Variants in ADCY8 observed in about 807,000 individuals in gnomAD.
ADCY8 encodes the protein adenylate cyclase type 8.
A neutral mutation model predicts 119.7 loss-of-function variants in ADCY8; 51 were observed. That is an observed-to-expected ratio of 0.43 (90% confidence interval 0.34 to 0.54). ADCY8 has a LOEUF of 0.54. Ranked by LOEUF, ADCY8 falls within the 20% of genes least tolerant of loss-of-function variation. ADCY8 has a pLI of 0.03. For synonymous variants in ADCY8, 665 were observed against 651.0 expected, an observed-to-expected ratio of 1.02 and a Z score of -0.33; for missense variants, 1,383 against 1,598.8, an observed-to-expected ratio of 0.87 and a Z score of 2.30.
At chr8:130,812,823 G>A (rs1024451562) in intron 14 of ADCY8, among the ~76,000 whole-genome samples, 5 of 152,054 alleles carry the variant, frequency 3.3e-5, no homozygotes, top group Non-Finnish European at 7.4e-5. Flanking sequence ...TATAGATATT[G>A]ATATATAAAT....
chr8:130,858,900 ATGTG>A lies in ADCY8; in HGVS notation c.2210+8942_2210+8945del, dbSNP rs139305903. Reference sequence around the variant, plus strand: ...TTGAAATACTCCCATTATCATGTATATGTGTGTGTGTGTGTGTGTGTGTGTGTGT... The same window carrying A: ...TTGAAATACTCCCATTATCATGTATATGTGTGTGTGTGTGTGTGTGTGTGT... On this transcript the variant is annotated intron_variant, in intron 9 of 17. Coordinates refer to ENST00000286355, the MANE Select transcript of ADCY8 (RefSeq NM_001115.3). Among the ~76,000 whole-genome samples the A allele has an allele frequency of 2.6e-3, 392 of 148,788 alleles. 1 individual carries two copies. The highest frequency in any genetic ancestry group is 8.7e-3 in the African/African-American group (354 of 40,608).
intron 1 of ADCY8, among the ~76,000 whole-genome samples, chr8:131,025,201 A>G (rs1159939548): frequency 6.6e-6 from 1 of 152,178 alleles, no homozygotes; most frequent in Non-Finnish European, 1.5e-5. Context: ...TATGATAGTG[A>G]TAACTATCAT....
At chr8:130,853,046 AC>A (rs1817588153) in intron 9 of ADCY8, among the ~76,000 whole-genome samples, 1 of 152,164 alleles carries the variant, frequency 6.6e-6, no homozygotes, top group Non-Finnish European at 1.5e-5. Context: ...CTGCCTGCTC[AC>A]TATATCTCTC....
chr8:130,877,250 T>A (rs1196849371), intron 8 of ADCY8, among the ~76,000 whole-genome samples: 1 of 152,318 alleles, frequency 6.6e-6, no homozygotes, highest in African/African-American at 2.4e-5. Context: ...GTGGCCATTA[T>A]CATGCCCAAT....
At chr8:130,944,044 G>A (rs147858067) in intron 3 of ADCY8, among the ~76,000 whole-genome samples, 5 of 152,264 alleles carry the variant, frequency 3.3e-5, no homozygotes, top group Non-Finnish European at 5.9e-5. Context: ...AGTTAGGTGA[G>A]GTCTTGTTCT....
At chr8:131,037,321 G>T (rs962868889) in intron 1 of ADCY8, among the ~76,000 whole-genome samples, 2 of 152,076 alleles carry the variant, frequency 1.3e-5, no homozygotes, top group Non-Finnish European at 2.9e-5. Context: ...ACATTTGGGG[G>T]TTATTTTTAA....
At chr8:130,909,037 C>A (rs1307695060) in intron 6 of ADCY8, among the ~76,000 whole-genome samples, 1 of 44,186 alleles carries the variant, frequency 2.3e-5, no homozygotes, top group African/African-American at 4.6e-5. Flanking sequence ...ATCCATCCAT[C>A]CACCATCCAT....
intron 9 of ADCY8, among the ~76,000 whole-genome samples, chr8:130,861,089 A>C (rs889431510): frequency 2.0e-5 from 3 of 152,192 alleles, no homozygotes; most frequent in Non-Finnish European, 2.9e-5. Context: ...TTTCTTTAGC[A>C]TCATACTGTA....
intron 2 of ADCY8, among the ~76,000 whole-genome samples, chr8:130,986,804 T>C (rs911220599): frequency 6.6e-6 from 1 of 152,232 alleles, no homozygotes; most frequent in Non-Finnish European, 1.5e-5. Flanking sequence ...CTTTGAATAA[T>C]GCCTGGTGCA....
intron 6 of ADCY8, 92 bp downstream of exon 6, chr8:130,909,616 C>G (rs1355784719): frequency 6.8e-7 from 1 of 1,477,854 alleles, no homozygotes; most frequent in Non-Finnish European, 9.3e-7. Flanking sequence ...CTTCCTAGAT[C>G]TAACCCTGAA....
intron 2 of ADCY8, among the ~76,000 whole-genome samples, chr8:130,968,436 G>T (rs565032315): frequency 5.6e-4 from 85 of 152,294 alleles, no homozygotes; most frequent in African/African-American, 1.9e-3. Flanking sequence ...CTCCCAAAGT[G>T]CTGGGATTAC....
At chr8:130,932,028 A>T (rs774020454) in intron 5 of ADCY8, among the ~76,000 whole-genome samples, 3 of 152,126 alleles carry the variant, frequency 2.0e-5, no homozygotes, top group Non-Finnish European at 4.4e-5. Context: ...ATTGTGCCTC[A>T]ATCCCTGCTC....
intron 5 of ADCY8, among the ~76,000 whole-genome samples, chr8:130,925,300 A>G (rs1436155465): frequency 6.6e-6 from 1 of 152,212 alleles, no homozygotes; most frequent in Non-Finnish European, 1.5e-5. Context: ...TGGTAAAACA[A>G]TAGGTTTCTG....
intron 2 of ADCY8, among the ~76,000 whole-genome samples, chr8:130,975,311 G>A (rs1043863918): frequency 3.3e-5 from 5 of 152,150 alleles, no homozygotes; most frequent in Non-Finnish European, 5.9e-5. Context: ...AAGAACATGC[G>A]TACTTGACTC....
rs779542973 is a variant in ADCY8, at chr8:130,836,436, G to A, written c.2516C>T (p.Thr839Met). The A allele has an allele frequency of 7.4e-6, 12 of 1,613,400 alleles. No homozygotes were observed. The highest frequency in any genetic ancestry group is 6.7e-5 in the African/African-American group (5 of 74,878). Residue 839 changes from threonine (T) to methionine (M), a missense_variant, in exon 12 of 18, where the codon ACG (threonine) becomes ATG (methionine). Coordinates refer to ENST00000286355, the MANE Select transcript of ADCY8 (RefSeq NM_001115.3). ...ICSYPEYFVF[T>M]GVLAMVTCAV... is the part of the protein sequence containing the mutation. The stretch of plus-strand genomic sequence containing the variant: ...ACAGGTCACCATGGCCAACACCCCC[G>A]TGAAGACAAAGTACTGGAAACAGAG...
chr8:130,909,872 G>C lies in ADCY8; in HGVS notation c.1482-6C>G. The C allele has an allele frequency of 6.2e-7, 1 of 1,613,514 alleles. No homozygotes were observed. Among genetic ancestry groups the C allele is most frequent in the Non-Finnish European group, 8.5e-7 (1 of 1,179,734 alleles). On this transcript the variant is annotated splice_polypyrimidine_tract_variant and splice_region_variant and intron_variant, in intron 5 of 17. Coordinates refer to ENST00000286355, the MANE Select transcript of ADCY8 (RefSeq NM_001115.3). ...TTGTCCTTGACCGCACATACCTGTT[G>C]ACATAGGTAAATGGAGAGACACATG...
intron 7 of ADCY8, among the ~76,000 whole-genome samples, chr8:130,903,420 C>T (rs1819667065): frequency 1.3e-5 from 2 of 151,114 alleles, no homozygotes; most frequent in Non-Finnish European, 2.9e-5. Context: ...TTGATCCTCC[C>T]CTTTAGTTTA....
At chr8:130,944,246 T>G (rs145266242) in intron 3 of ADCY8, among the ~76,000 whole-genome samples, 2,235 of 152,316 alleles carry the variant, frequency 0.015, 25 homozygotes, top group African/African-American at 0.026. Context: ...ATGGCATAGC[T>G]GGGATTGTCC....
At chr8:131,006,048 T>TCACA (rs1425053748) in intron 1 of ADCY8, among the ~76,000 whole-genome samples, 1 of 151,434 alleles carries the variant, frequency 6.6e-6, no homozygotes, top group Non-Finnish European at 1.5e-5. Flanking sequence ...TCTCTCTCTG[T>TCACA]CACACACACA....
Sources: gnomAD v4.1 joint callset for allele counts (sites outside exome capture counted in the v4.1 genomes callset) on GRCh38, gnomAD v4.1.1 for gene constraint, MANE v1.5 for transcripts, NCBI Gene and HGNC (gene_info 2026-07-23, HGNC 2026-07-21) for gene names.